The following STAP1 variants were observed in gnomAD, a reference collection of about 807,000 sequenced individuals.
The protein encoded by STAP1 is signal-transducing adaptor protein 1.
In STAP1, 30 loss-of-function variants were observed where a neutral mutation model predicts 37.8. The ratio of observed to expected loss-of-function variants is 0.79; its 90% CI spans 0.59 to 1.08. The LOEUF (loss-of-function observed/expected upper bound fraction) is 1.08, where lower values mean the gene tolerates loss of function less well. Ranked by LOEUF, STAP1 falls within the 50% of genes least tolerant of loss-of-function variation. STAP1 has a pLI of 0.00. For missense variants in STAP1, 357 were observed against 349.4 expected, an observed-to-expected ratio of 1.02 and a Z score of -0.17; for synonymous variants, 130 against 116.0, an observed-to-expected ratio of 1.12 and a Z score of -0.78.
intron 8 of STAP1, among the ~76,000 whole-genome samples, chr4:67,605,126 A>G (rs1031356261): frequency 1.3e-5 from 2 of 152,126 alleles, no homozygotes; most frequent in Admixed American, 1.3e-4. Flanking sequence ...AGCTAGAATG[A>G]TGGAGCTTAT....
intron 8 of STAP1, among the ~76,000 whole-genome samples, chr4:67,601,810 G>A (rs1728347846): frequency 6.6e-6 from 1 of 152,124 alleles, no homozygotes; most frequent in Non-Finnish European, 1.5e-5. Flanking sequence ...AGAATATTAA[G>A]TGCCTTGAAG....
rs895883783 is a variant in STAP1 at position 67,606,950 on chromosome 4, C to A, written c.*593C>A. 2 of 152,162 alleles carry A rather than the reference C, an allele frequency of 1.3e-5. No individual in the cohort carries two copies. Among genetic ancestry groups the A allele is most frequent in the Non-Finnish European group, 2.9e-5 (2 of 68,062 alleles). 9.4% of individuals were successfully genotyped at this position (152,162 alleles called of 1,614,324 possible). On this transcript the variant is annotated 3_prime_UTR_variant, in exon 9 of 9. Transcript: ENST00000265404. ...TCAAAATCAGCCCATTATTTCCTTA[C>A]AAAGATGGTGAAAGGCTGTATCATC... is the stretch of plus-strand genomic sequence containing the variant.
chr4:67,570,981 C>G, intron 1 of STAP1, 103 bp from the exon 2 acceptor site: 1 of 916,210 alleles, frequency 1.1e-6, no homozygotes, highest in South Asian at 1.4e-5. Flanking sequence ...AAGAAGACTT[C>G]TTATATCACA....
intron 8 of STAP1, among the ~76,000 whole-genome samples, chr4:67,601,672 G>A (rs963917086): frequency 6.6e-6 from 1 of 152,078 alleles, no homozygotes; most frequent in Non-Finnish European, 1.5e-5. Context: ...AATATGTCAT[G>A]CTCCCCTGGC....
intron 6 of STAP1, among the ~76,000 whole-genome samples, chr4:67,590,532 C>A (rs992827132): frequency 2.0e-5 from 3 of 152,120 alleles, no homozygotes; most frequent in African/African-American, 7.2e-5. Flanking sequence ...TATATACCTA[C>A]ATAGAATTTT....
At chr4:67,592,368 G>C (rs916443845) in intron 7 of STAP1, among the ~76,000 whole-genome samples, 1 of 152,096 alleles carries the variant, frequency 6.6e-6, no homozygotes, top group East Asian at 1.9e-4. Context: ...TATTAGTTTA[G>C]GGGTAGAGAC....
At chr4:67,561,543 A>G (rs78345686) in intron 1 of STAP1, among the ~76,000 whole-genome samples, 9,803 of 152,290 alleles carry the variant, frequency 0.064, 331 homozygotes, top group African/African-American at 0.084. Context: ...ACCATTTTGC[A>G]TGCAATTCTA....
At chr4:67,596,148 TG>T (rs59999102) in intron 8 of STAP1, among the ~76,000 whole-genome samples, 19,550 of 152,052 alleles carry the variant, frequency 0.13, 2,402 homozygotes, top group African/African-American at 0.32. Context: ...AATTGGATCA[TG>T]GGGCCGGTTT....
Position 67,597,394 on chromosome 4 carries a change from C to T in STAP1, c.826+4038C>T, listed in dbSNP as rs367778479. Among the ~76,000 whole-genome samples, 27 of 152,332 alleles carry T rather than the reference C, an allele frequency of 1.8e-4. No individual in the cohort carries two copies. The South Asian group carries it at 4.6e-3, about 26-fold the overall frequency. On this transcript the variant is annotated intron_variant, in intron 8 of 8. Coordinates refer to ENST00000265404, the MANE Select transcript of STAP1 (RefSeq NM_012108.4). Reference sequence around the variant, plus strand: ...GGGGTAGAGCCCTAATGGAGAACCTCGACTAGGGCAATGCAGAGGGGAAAT... The same window carrying T: ...GGGGTAGAGCCCTAATGGAGAACCTTGACTAGGGCAATGCAGAGGGGAAAT...
rs145774290 is a variant in STAP1, at chr4:67,581,391, T to A, written c.450T>A (p.Ile150=). Residue 150 remains isoleucine (I), a synonymous_variant, in exon 5 of 9, where the codon ATT becomes ATA. Transcript: ENST00000265404. The part of the protein sequence containing the change: ...EVLEREKKRR[I]ETEQSTSVEK... ...TAGAGAGAGAAAAGAAAAGGAGGAT[T>A]GAGACAGAGCAGAGTACGTCCGTGG... 3.3e-5 allele frequency: 53 copies of A among 1,614,024 alleles called. 1 individual carries two copies. In the African/African-American group the frequency reaches 5.9e-4, roughly 18 times the overall value.
intron 6 of STAP1, among the ~76,000 whole-genome samples, chr4:67,589,208 C>A (rs1349901026): frequency 6.6e-6 from 1 of 152,176 alleles, no homozygotes; most frequent in Non-Finnish European, 1.5e-5. Flanking sequence ...AAAGATAAAG[C>A]CAGGTATAAC....
chr4:67,578,702 G>C (rs114013061), intron 4 of STAP1, among the ~76,000 whole-genome samples: 38 of 152,150 alleles, frequency 2.5e-4, no homozygotes, highest in South Asian at 2.5e-3. Flanking sequence ...GGTACACTAA[G>C]TATGTATAAA....
chr4:67,589,911 C>T (rs749592244), intron 6 of STAP1, among the ~76,000 whole-genome samples: 21 of 151,744 alleles, frequency 1.4e-4, no homozygotes, highest in Admixed American at 1.1e-3. Flanking sequence ...TGCAATGATT[C>T]GCCCACCTAA....
At chr4:67,592,527 A>G (rs1012137542) in intron 7 of STAP1, among the ~76,000 whole-genome samples, 1 of 152,220 alleles carries the variant, frequency 6.6e-6, no homozygotes, top group Non-Finnish European at 1.5e-5. Flanking sequence ...TTATAAGAAC[A>G]TAGAATGACT....
At chr4:67,591,070 A>G in intron 7 of STAP1, 117 bp downstream of exon 7, 1 of 526,002 alleles carries the variant, frequency 1.9e-6, no homozygotes, top group Non-Finnish European at 3.2e-6. Flanking sequence ...ATACAAGGTG[A>G]AAAGTGAGAT....
At chr4:67,572,734 T>C (rs745588412) in intron 2 of STAP1, among the ~76,000 whole-genome samples, 1 of 152,056 alleles carries the variant, frequency 6.6e-6, no homozygotes, top group African/African-American at 2.4e-5. Context: ...CCTAAGAGAG[T>C]AGCTGGCACA....
At chr4:67,604,469 T>G (rs1412174969) in intron 8 of STAP1, among the ~76,000 whole-genome samples, 1 of 152,198 alleles carries the variant, frequency 6.6e-6, no homozygotes, top group East Asian at 1.9e-4. Context: ...ACCTCCTCTC[T>G]CCATTGGGTT....
At chr4:67,592,493 CTAACT>C (rs1399871838) in intron 7 of STAP1, among the ~76,000 whole-genome samples, 1 of 152,140 alleles carries the variant, frequency 6.6e-6, no homozygotes, top group African/African-American at 2.4e-5. Flanking sequence ...CCAACTACAG[CTAACT>C]TAAGAAAAAA....
chr4:67,573,979 GA>G (rs1227799672), intron 2 of STAP1, among the ~76,000 whole-genome samples: 1 of 152,104 alleles, frequency 6.6e-6, no homozygotes, highest in African/African-American at 2.4e-5. Context: ...GTTGCATATA[GA>G]GAGTGGAAAT....
Sources: allele counts gnomAD v4.1 joint callset (sites outside exome capture counted in the v4.1 genomes callset), GRCh38; gene constraint gnomAD v4.1.1; transcripts MANE v1.5; gene names NCBI Gene and HGNC (gene_info 2026-07-23, HGNC 2026-07-21).